NCALD: variants seen among roughly 807,000 people sequenced by gnomAD.
NCALD encodes neurocalcin-delta.
In NCALD, 10 loss-of-function variants were observed where a neutral mutation model predicts 18.6. The observed-to-expected ratio is 0.54, with a 90% CI of 0.33 to 0.91. The LOEUF (loss-of-function observed/expected upper bound fraction) is 0.91. NCALD is among the 40% of genes least tolerant of loss of function. The probability of loss-of-function intolerance (pLI) is 0.03; values close to 1 mark genes in which losing one functional copy is unlikely to be tolerated. For synonymous variants in NCALD, 88 were observed against 87.4 expected, an observed-to-expected ratio of 1.01 and a Z score of -0.04; for missense variants, 184 against 247.6, an observed-to-expected ratio of 0.74 and a Z score of 1.72.
chr8:101,717,581 A>C (rs533116025), intron 2 of NCALD, among the ~76,000 whole-genome samples: 1 of 152,144 alleles, frequency 6.6e-6, no homozygotes, highest in African/African-American at 2.4e-5. Context: ...CTTGCCCCCA[A>C]CTCATCACTT....
At chr8:101,697,919 T>C (rs13271654) in intron 2 of NCALD, among the ~76,000 whole-genome samples, 68,637 of 152,022 alleles carry the variant, frequency 0.45, 19,086 homozygotes, top group Non-Finnish European at 0.63. Flanking sequence ...CTATTCAACA[T>C]AGTTGGAAGT....
At chr8:101,891,178 A>G (rs536008293) in intron 3 of NCALD, among the ~76,000 whole-genome samples, 1 of 152,174 alleles carries the variant, frequency 6.6e-6, no homozygotes, top group African/African-American at 2.4e-5. Context: ...TCACATATGT[A>G]CATCCATGTT....
upstream of NCALD, among the ~76,000 whole-genome samples, chr8:101,793,601 T>C (rs1812529976): frequency 6.6e-6 from 1 of 152,144 alleles, no homozygotes; most frequent in East Asian, 1.9e-4. Context: ...ACCAATTTGG[T>C]TAATTAACCC....
At chr8:101,764,933 T>C (rs1268905607) in intron 1 of NCALD, among the ~76,000 whole-genome samples, 2 of 152,194 alleles carry the variant, frequency 1.3e-5, no homozygotes, top group Non-Finnish European at 2.9e-5. Context: ...TACTACAGTC[T>C]ATTGGCTCCC....
At position 101,998,373 on chromosome 8, in the gene NCALD, AC is replaced by A. The variant is rs539146285; in HGVS notation, c.-157+21863del. 8.8e-3 allele frequency among the ~76,000 whole-genome samples: 1,334 copies of A among 151,934 alleles called. 12 individuals are homozygous for A. The highest frequency in any genetic ancestry group is 0.024 in the South Asian group (116 of 4,806). ...TTGCTGGTATTCCCTGTCTCTCCCC[AC>A]CCCACAATTCTTCCAGCCATACTCC... On this transcript the variant is annotated intron_variant, in intron 2 of 6. Coordinates refer to the NCALD transcript ENST00000311028.
At chr8:101,703,798 G>C (rs1237558506) in intron 2 of NCALD, among the ~76,000 whole-genome samples, 2 of 152,184 alleles carry the variant, frequency 1.3e-5, no homozygotes, top group Non-Finnish European at 2.9e-5. Flanking sequence ...GTGGCACAGA[G>C]AGAACTCCAG....
chr8:102,075,951 CA>C lies in NCALD; in HGVS notation c.-210+48285del, dbSNP rs754804423. 2.9e-4 allele frequency among the ~76,000 whole-genome samples: 35 copies of C among 121,408 alleles called. 1 individual carries two copies. The highest frequency in any genetic ancestry group is 4.2e-4 in the Admixed American group (5 of 12,008). The allele number at this position is 121,408 out of a possible 152,430, so 79.6% of individuals were successfully genotyped here. ...TGGGTGACAGAGCGAGATTCTGTCT[CA>C]AAAAAAAAAACAAACAAAAAACTGG... On this transcript the variant is annotated intron_variant, in intron 1 of 6. Coordinates refer to the NCALD transcript ENST00000311028.
intron 4 of NCALD, among the ~76,000 whole-genome samples, chr8:101,826,559 C>T (rs1813946240): frequency 1.3e-5 from 2 of 152,142 alleles, no homozygotes; most frequent in African/African-American, 2.4e-5. Context: ...TAAAAGCTTG[C>T]TCTCAGTTTT....
chr8:102,082,513 C>A (rs1245435219), intron 1 of NCALD, among the ~76,000 whole-genome samples: 1 of 152,042 alleles, frequency 6.6e-6, no homozygotes, highest in Non-Finnish European at 1.5e-5. Flanking sequence ...ACATGTGGAG[C>A]ATCCACAACC....
At chr8:102,113,918 T>C (rs1229212357) in intron 1 of NCALD, among the ~76,000 whole-genome samples, 2 of 152,246 alleles carry the variant, frequency 1.3e-5, no homozygotes, top group African/African-American at 4.8e-5. Context: ...GAAAACTTGA[T>C]AATCATTGGT....
intron 4 of NCALD, among the ~76,000 whole-genome samples, chr8:101,879,694 T>C (rs1467665997): frequency 6.6e-6 from 1 of 152,300 alleles, no homozygotes; most frequent in Middle Eastern, 3.4e-3. Flanking sequence ...AGAGCACTCA[T>C]TGGTCCGTTT....
At chr8:101,697,311 C>T (rs997961877) in intron 2 of NCALD, among the ~76,000 whole-genome samples, 1 of 152,112 alleles carries the variant, frequency 6.6e-6, no homozygotes, top group African/African-American at 2.4e-5. Context: ...TAATAGCCTA[C>T]CAACCTAAAA....
intron 1 of NCALD, among the ~76,000 whole-genome samples, chr8:102,035,673 A>G (rs1822836718): frequency 6.6e-6 from 1 of 152,140 alleles, no homozygotes; most frequent in South Asian, 2.1e-4. Flanking sequence ...GTTTCTCATT[A>G]GGTAACTACT....
At chr8:101,830,840 C>A (rs187801154) in intron 4 of NCALD, among the ~76,000 whole-genome samples, 1 of 151,210 alleles carries the variant, frequency 6.6e-6, no homozygotes, top group Non-Finnish European at 1.5e-5. Context: ...TCCCGGTTCA[C>A]GCAATTCTTG....
intron 1 of NCALD, among the ~76,000 whole-genome samples, chr8:102,050,542 C>T (rs1456889755): frequency 6.6e-6 from 1 of 150,684 alleles, no homozygotes; most frequent in African/African-American, 2.4e-5. Context: ...AGAAATGCAG[C>T]ACTTCCAATT....
chr8:101,797,131 C>T (rs1812666288), intron 4 of NCALD, among the ~76,000 whole-genome samples: 1 of 152,236 alleles, frequency 6.6e-6, no homozygotes, highest in Admixed American at 6.5e-5. Flanking sequence ...TCCTTGGGCA[C>T]ATGTTATCAG....
intron 2 of NCALD, among the ~76,000 whole-genome samples, chr8:101,917,163 GC>G (rs551026043): frequency 2.9e-4 from 44 of 152,056 alleles, no homozygotes; most frequent in African/African-American, 9.6e-4. Flanking sequence ...AGATTATAGT[GC>G]AATAAAAATA....
chr8:101,708,351 C>T (rs1815628787), intron 2 of NCALD, among the ~76,000 whole-genome samples: 1 of 152,198 alleles, frequency 6.6e-6, no homozygotes, highest in South Asian at 2.1e-4. Context: ...CTGTGATTTC[C>T]ACCAATTGGA....
At chr8:102,117,897 T>A (rs968525883) in intron 1 of NCALD, among the ~76,000 whole-genome samples, 3 of 152,220 alleles carry the variant, frequency 2.0e-5, no homozygotes, top group Non-Finnish European at 2.9e-5. Context: ...CAGATCCAGC[T>A]GCATATACAG....
Sources: gnomAD v4.1 joint callset for allele counts (sites outside exome capture counted in the v4.1 genomes callset) on GRCh38, gnomAD v4.1.1 for gene constraint, MANE v1.5 for transcripts, NCBI Gene and HGNC (gene_info 2026-07-23, HGNC 2026-07-21) for gene names.